OTC: variants seen among roughly 807,000 people sequenced by gnomAD.
OTC encodes ornithine transcarbamylase.
A neutral mutation model predicts 30.3 loss-of-function variants in OTC; 3 were observed. The ratio of observed to expected loss-of-function variants is 0.10; its 90% CI spans 0.05 to 0.26. The LOEUF is 0.26. Among genes scored for constraint, OTC ranks in the 10% least tolerant of loss-of-function variants. The pLI is 1.00. For synonymous variants in OTC, 111 were observed against 99.7 expected, an observed-to-expected ratio of 1.11 and a Z score of -0.67; for missense variants, 194 against 260.3, an observed-to-expected ratio of 0.75 and a Z score of 1.75.
chrX:38,374,571 T>C (rs2068336894), intron 3 of OTC, among the ~76,000 whole-genome samples: 1 of 111,517 alleles, frequency 9.0e-6, no homozygotes, highest in Non-Finnish European at 1.9e-5. Flanking sequence ...ACACTTTCTG[T>C]TACTCTTCTT....
intron 9 of OTC, among the ~76,000 whole-genome samples, chrX:38,413,976 C>T (rs1389866896): frequency 9.0e-6 from 1 of 110,507 alleles, no homozygotes; most frequent in Admixed American, 9.7e-5. Flanking sequence ...GCCAGGCCGG[C>T]ACTTCTAATA....
At chrX:38,340,659 A>G in the OTC span, among the ~76,000 whole-genome samples, 30 of 110,600 alleles carry the variant, frequency 2.7e-4, no homozygotes, top group South Asian at 3.4e-3. Context: ...AAGAAGAATC[A>G]AAGTTATAAT....
intron 3 of OTC, among the ~76,000 whole-genome samples, chrX:38,377,924 C>T (rs1178324293): frequency 3.6e-5 from 4 of 110,170 alleles, no homozygotes; most frequent in Non-Finnish European, 5.7e-5. Flanking sequence ...GCAACCTTCA[C>T]CTCCCGAGTT....
chrX:38,399,851 T>A (rs755640806), intron 4 of OTC, among the ~76,000 whole-genome samples: 66 of 111,755 alleles, frequency 5.9e-4, no homozygotes, highest in East Asian at 2.0e-3. Flanking sequence ...CACATTTTTT[T>A]AAAAATGGCT....
chrX:38,338,153 A>G, the OTC span, among the ~76,000 whole-genome samples: 2 of 112,245 alleles, frequency 1.8e-5, no homozygotes, highest in African/African-American at 3.2e-5. Flanking sequence ...TACTACTGAC[A>G]TTGTAATTGA....
chrX:38,390,716 A>G (rs1163175759), intron 4 of OTC, among the ~76,000 whole-genome samples: 2 of 111,569 alleles, frequency 1.8e-5, no homozygotes, highest in African/African-American at 6.5e-5. Context: ...GAACAACTGA[A>G]CTCCTTTTAA....
chrX:38,376,799 T>C (rs2068350546), intron 3 of OTC, among the ~76,000 whole-genome samples: 1 of 112,043 alleles, frequency 8.9e-6, no homozygotes, highest in African/African-American at 3.2e-5. Flanking sequence ...CAACAATAAA[T>C]ATATATGAAC....
At chrX:38,359,626 G>A (rs984664232) in intron 1 of OTC, among the ~76,000 whole-genome samples, 4 of 110,575 alleles carry the variant, frequency 3.6e-5, no homozygotes, top group African/African-American at 1.3e-4. Flanking sequence ...TCATCATATT[G>A]GTCAGGCTGG....
chrX:38,329,025 G>A, the OTC span, among the ~76,000 whole-genome samples: 45 of 112,440 alleles, frequency 4.0e-4, no homozygotes, highest in Non-Finnish European at 7.5e-4. Context: ...CATTTTTAGA[G>A]TATCATAATT....
At chrX:38,352,528 C>T, upstream of OTC, 3 of 469,118 alleles carry the variant, frequency 6.4e-6, no homozygotes, top group East Asian at 1.2e-4. Flanking sequence ...ACACCCTGCC[C>T]TGCAGTATCT....
At chrX:38,379,715 T>A (rs1364500566) in intron 3 of OTC, among the ~76,000 whole-genome samples, 1 of 110,323 alleles carries the variant, frequency 9.1e-6, no homozygotes, top group East Asian at 2.8e-4. Flanking sequence ...CTGCAAGCTC[T>A]GCCTCCCAGG....
At chrX:38,353,852 C>A (rs1181279018) in intron 1 of OTC, among the ~76,000 whole-genome samples, 2 of 111,784 alleles carry the variant, frequency 1.8e-5, no homozygotes, top group Non-Finnish European at 3.8e-5. Flanking sequence ...TCTTAAACAG[C>A]TCAAATATTC....
At chrX:38,401,032 C>T (rs1273293143) in intron 4 of OTC, among the ~76,000 whole-genome samples, 1 of 111,877 alleles carries the variant, frequency 8.9e-6, no homozygotes, top group Non-Finnish European at 1.9e-5. Flanking sequence ...CTGCTGGGCC[C>T]ACAATTATCT....
intron 1 of OTC, among the ~76,000 whole-genome samples, chrX:38,357,062 G>C (rs1263988216): frequency 1.8e-5 from 2 of 111,183 alleles, no homozygotes; most frequent in East Asian, 5.6e-4. Context: ...AAATTCATGT[G>C]GCTCCAGTTT....
the OTC span, among the ~76,000 whole-genome samples, chrX:38,342,010 A>T: frequency 2.0e-4 from 8 of 39,766 alleles, no homozygotes; most frequent in Admixed American, 3.1e-4. Flanking sequence ...CTTAAATTTC[A>T]CTTTTTTTTT....
intron 3 of OTC, among the ~76,000 whole-genome samples, chrX:38,371,557 C>T (rs1165571638): frequency 1.8e-5 from 2 of 111,680 alleles, no homozygotes; most frequent in African/African-American, 6.5e-5. Flanking sequence ...TGATTTTTAC[C>T]TTGCAATGAT....
intron 2 of OTC, among the ~76,000 whole-genome samples, chrX:38,368,311 G>A (rs191504169): frequency 8.9e-6 from 1 of 111,784 alleles, no homozygotes; most frequent in Non-Finnish European, 1.9e-5. Context: ...AGTGAGCCAA[G>A]ATCGTGCCAT....
intron 1 of OTC, among the ~76,000 whole-genome samples, chrX:38,359,229 T>C (rs1334567807): frequency 2.7e-5 from 3 of 111,241 alleles, no homozygotes; most frequent in Non-Finnish European, 5.7e-5. Flanking sequence ...ATTAGTCCAC[T>C]CTTGTTTCAC....
At chrX:38,354,153 C>G (rs1391838702) in intron 1 of OTC, among the ~76,000 whole-genome samples, 1 of 112,219 alleles carries the variant, frequency 8.9e-6, no homozygotes, top group African/African-American at 3.2e-5. Flanking sequence ...AATTGAACAT[C>G]TACTTTGTGC....
Sources: gnomAD v4.1 joint callset for allele counts (sites outside exome capture counted in the v4.1 genomes callset) on GRCh38, gnomAD v4.1.1 for gene constraint, MANE v1.5 for transcripts, NCBI Gene and HGNC (gene_info 2026-07-23, HGNC 2026-07-21) for gene names.